Variants in TRPM6 observed in about 807,000 individuals in gnomAD.
TRPM6 encodes the protein transient receptor potential cation channel subfamily M member 6.
TRPM6 carries 111 observed loss-of-function variants against 247.6 expected under a neutral mutation model. The ratio of observed to expected loss-of-function variants is 0.45; its 90% CI spans 0.38 to 0.52. The LOEUF (loss-of-function observed/expected upper bound fraction) is 0.52, where lower values mean the gene tolerates loss of function less well. Ranked by LOEUF, TRPM6 falls within the 20% of genes least tolerant of loss-of-function variation. TRPM6 has a pLI of 0.00. For missense variants in TRPM6, 2,126 were observed against 2,421.5 expected, an observed-to-expected ratio of 0.88 and a Z score of 2.56; for synonymous variants, 892 against 853.8, an observed-to-expected ratio of 1.04 and a Z score of -0.78.
At chr9:74,740,612 T>C (rs1278836777) in intron 33 of TRPM6, among the ~76,000 whole-genome samples, 1 of 152,234 alleles carries the variant, frequency 6.6e-6, no homozygotes, top group African/African-American at 2.4e-5. Context: ...AGTAATTGTA[T>C]ACAATATTTT....
At chr9:74,801,803 A>G in intron 16 of TRPM6, 95 bp downstream of exon 16, 1 of 1,493,046 alleles carries the variant, frequency 6.7e-7, no homozygotes, top group South Asian at 1.1e-5. Flanking sequence ...CGGTAAGTCC[A>G]TTTGTCCTAC....
intron 24 of TRPM6, among the ~76,000 whole-genome samples, chr9:74,773,498 C>T (rs1007813542): frequency 6.6e-6 from 1 of 152,220 alleles, no homozygotes; most frequent in African/African-American, 2.4e-5. Context: ...ATAAGGCTAA[C>T]ACAATTCTTC....
At chr9:74,845,162 T>C (rs1332620343) in intron 3 of TRPM6, among the ~76,000 whole-genome samples, 2 of 152,188 alleles carry the variant, frequency 1.3e-5, no homozygotes, top group Non-Finnish European at 2.9e-5. Context: ...GCGAGAATTA[T>C]TAAAATGTGA....
At chr9:74,832,230 A>G (rs765357991) in intron 6 of TRPM6, among the ~76,000 whole-genome samples, 4 of 152,174 alleles carry the variant, frequency 2.6e-5, no homozygotes, top group Non-Finnish European at 4.4e-5. Context: ...AGAACAAATG[A>G]CCCAGTTTCC....
intron 27 of TRPM6, among the ~76,000 whole-genome samples, chr9:74,759,911 AT>A (rs752235668): frequency 9.9e-5 from 15 of 152,194 alleles, no homozygotes; most frequent in Admixed American, 5.9e-4. Flanking sequence ...TCACAACTTT[AT>A]AATAAGACAA....
chr9:74,747,579 G>T (rs887027955), intron 31 of TRPM6, among the ~76,000 whole-genome samples: 4 of 152,190 alleles, frequency 2.6e-5, no homozygotes, highest in Admixed American at 2.6e-4. Context: ...TGAGTAATGT[G>T]TGAAAAAACA....
At position 74,818,584 on chromosome 9, in the gene TRPM6, T is replaced by C. The variant is rs552447887; in HGVS notation, c.1135-1620A>G. Among the ~76,000 whole-genome samples the C allele has an allele frequency of 3.2e-4, 49 of 152,322 alleles. 1 individual carries two copies. Among genetic ancestry groups the C allele is most frequent in the African/African-American group, 1.2e-3 (48 of 41,576 alleles). ...TCCCAAAGTGCTGGGATTATAGGCG[T>C]GAGCCAACGTGTCCGAGCATATCTG... On this transcript the variant is annotated intron_variant, in intron 9 of 38. Coordinates refer to ENST00000360774, the MANE Select transcript of TRPM6 (RefSeq NM_017662.5).
intron 28 of TRPM6, 48 bp from the exon 29 acceptor site, chr9:74,752,416 C>T: frequency 9.5e-7 from 1 of 1,057,928 alleles, no homozygotes; most frequent in African/African-American, 1.6e-5. Context: ...AAATGTGTTA[C>T]ATTCAAATCA....
intron 32 of TRPM6, 105 bp downstream of exon 32, chr9:74,743,990 C>A: frequency 8.9e-7 from 1 of 1,124,350 alleles, no homozygotes; most frequent in Non-Finnish European, 1.3e-6. Flanking sequence ...CTTTTCAAGT[C>A]GCGAGCCATG....
At chr9:74,798,296 T>C (rs993139301) in intron 17 of TRPM6, among the ~76,000 whole-genome samples, 3 of 152,128 alleles carry the variant, frequency 2.0e-5, no homozygotes, top group African/African-American at 4.8e-5. Flanking sequence ...AAATTATCTT[T>C]TGTCACCCTG....
chr9:74,769,369 G>C (rs1021775669), intron 25 of TRPM6, among the ~76,000 whole-genome samples: 14 of 152,048 alleles, frequency 9.2e-5, no homozygotes, highest in Non-Finnish European at 1.8e-4. Flanking sequence ...GGCTAGTGTT[G>C]AGCTCCTGAT....
intron 34 of TRPM6, 52 bp downstream of exon 34, chr9:74,739,671 C>G: frequency 6.2e-7 from 1 of 1,604,332 alleles, no homozygotes; most frequent in South Asian, 1.1e-5. Context: ...AGCCAGATCT[C>G]TTTTCTTTGA....
At chr9:74,887,750 C>CT in intron 1 of TRPM6, 74 bp downstream of exon 1, 1 of 1,613,856 alleles carries the variant, frequency 6.2e-7, no homozygotes, top group Non-Finnish European at 8.5e-7. Context: ...CCACTTCTAT[C>CT]TAAGGCCGGG....
chr9:74,747,158 G>C (rs922143721), intron 31 of TRPM6, among the ~76,000 whole-genome samples: 14 of 152,226 alleles, frequency 9.2e-5, no homozygotes, highest in African/African-American at 3.4e-4. Flanking sequence ...ATGGGCTAAA[G>C]ATCAAATGTT....
rs56331140 is a variant in TRPM6, at chr9:74,762,450, G to A, written c.4221C>T (p.His1407=). 3.9e-3 allele frequency: 6,326 copies of A among 1,614,128 alleles called. 183 individuals carry two copies. In the African/African-American group the frequency reaches 0.067, roughly 17 times the overall value. Residue 1407 remains histidine, a synonymous_variant, in exon 26 of 39, where the codon CAC becomes CAT. Coordinates refer to ENST00000360774, the MANE Select transcript of TRPM6 (RefSeq NM_017662.5). ...WASVDEPKEK[H]EPIAHLLDGQ... ...CATCCAGTAAGTGAGCAATAGGCTC[G>A]TGCTTTTCCTTGGGTTCATCCACTG...
At chr9:74,747,744 C>A in intron 31 of TRPM6, 145 bp downstream of exon 31, 1 of 664,726 alleles carries the variant, frequency 1.5e-6, no homozygotes, top group South Asian at 1.8e-5. Flanking sequence ...CAACTTTCTA[C>A]TCTTCTACTG....
rs1285395391 is a variant in TRPM6 at position 74,792,049 on chromosome 9, G to A, written c.2538+575C>T. Among the ~76,000 whole-genome samples, 4 of 152,220 alleles carry A rather than the reference G, an allele frequency of 2.6e-5. No homozygotes were observed. The South Asian group carries it at 6.2e-4, about 24-fold the overall frequency. On this transcript the variant is annotated intron_variant, in intron 19 of 38. Transcript: ENST00000360774. ...TGGAATTACAGGCGTGAGCCACCAC[G>A]CCTGGCCTCAATTGCTGATTTTCTA...
At chr9:74,799,626 A>G in intron 17 of TRPM6, among the ~76,000 whole-genome samples, 1 of 152,042 alleles carries the variant, frequency 6.6e-6, no homozygotes, top group East Asian at 1.9e-4. Context: ...ATTATCTGTT[A>G]GTATTCTTAC....
In TRPM6 at chr9:74,783,001, T is replaced by A. The variant is rs1206057366; in HGVS notation, c.2920-148A>T. On this transcript the variant is annotated intron_variant, in intron 21 of 38. Transcript: ENST00000360774. ...CACCCTTGTGCAGGAACAGCTAGAC[T>A]TTCTTTGGCTAAACTCTTGTTTTCT... The A allele has an allele frequency of 9.2e-6, 7 of 761,696 alleles. No homozygotes were observed. In the Admixed American group the frequency reaches 1.6e-4, roughly 17 times the overall value. The allele number at this position is 761,696 out of a possible 1,614,324, so 47.2% of individuals were successfully genotyped here.
Sources: gnomAD v4.1 joint callset for allele counts (sites outside exome capture counted in the v4.1 genomes callset) on GRCh38, gnomAD v4.1.1 for gene constraint, MANE v1.5 for transcripts, NCBI Gene and HGNC (gene_info 2026-07-23, HGNC 2026-07-21) for gene names.